The following FSTL4 variants were observed in gnomAD, a reference collection of about 807,000 sequenced individuals.
FSTL4 encodes the protein follistatin like 4.
A neutral mutation model predicts 78.2 loss-of-function variants in FSTL4; 28 were observed. The observed-to-expected ratio is 0.36, with a 90% CI of 0.27 to 0.49. The LOEUF (loss-of-function observed/expected upper bound fraction) is 0.49, where lower values mean the gene tolerates loss of function less well. Among genes scored for constraint, FSTL4 ranks in the 20% least tolerant of loss-of-function variants. FSTL4 has a pLI of 0.98. For synonymous variants in FSTL4, 422 were observed against 440.5 expected, an observed-to-expected ratio of 0.96 and a Z score of 0.53; for missense variants, 922 against 1,084.9, an observed-to-expected ratio of 0.85 and a Z score of 2.11.
At chr5:133,206,708 T>A (rs960606919) in intron 14 of FSTL4, among the ~76,000 whole-genome samples, 1 of 152,172 alleles carries the variant, frequency 6.6e-6, no homozygotes, top group Admixed American at 6.5e-5. Flanking sequence ...TAAAATTCCC[T>A]TTCTCATTCC....
In FSTL4 at chr5:133,199,428, C is replaced by T. The variant is rs201448921; in HGVS notation, c.2196G>A (p.Ser732=). The change falls in exon 16 of 16, where the codon TCG becomes TCA. Residue 732 remains serine, a synonymous_variant. Transcript: ENST00000265342. The surrounding 1 kb of genome is among the most constrained non-coding windows in gnomAD (Gnocchi z 4.4). ...IQTLYDLQIN[S]GISDLAFQRS... ...GCTGGAAGGCCAAGTCTGAGATGCC[C>T]GAGTTTATTTGCAGGTCATACAGGG... The T allele has an allele frequency of 4.5e-5, 72 of 1,614,164 alleles. No individual in the cohort carries two copies. The highest frequency in any genetic ancestry group is 4.5e-4 in the East Asian group (20 of 44,878).
the FSTL4 span, among the ~76,000 whole-genome samples, chr5:133,741,206 C>T: frequency 6.6e-6 from 1 of 152,150 alleles, no homozygotes; most frequent in Non-Finnish European, 1.5e-5. Flanking sequence ...ACCATATTCC[C>T]GGAAGCAGAA....
At chr5:133,269,579 T>C (rs1752723052) in intron 6 of FSTL4, among the ~76,000 whole-genome samples, 1 of 152,260 alleles carries the variant, frequency 6.6e-6, no homozygotes, top group Non-Finnish European at 1.5e-5. Context: ...TTGAAGGATA[T>C]GTTCTTAGGA....
Position 133,611,864 on chromosome 5 carries a change from A to T in FSTL4, c.-11+461T>A, listed in dbSNP as rs1030934378. On this transcript the variant is annotated intron_variant, in intron 1 of 15. Transcript: ENST00000265342. This position sits in a 1 kb window ranked among gnomAD's most constrained non-coding sequence, Gnocchi z 4.9. ...ATGCCTGCCCGGCGCCCCAACCCGG[A>T]GCCAAGGGCACCGGGCCCGGGCCGA... Among the ~76,000 whole-genome samples the T allele has an allele frequency of 1.3e-5, 2 of 152,020 alleles. No homozygotes were observed. Among genetic ancestry groups the T allele is most frequent in the Non-Finnish European group, 2.9e-5 (2 of 67,968 alleles).
intron 10 of FSTL4, among the ~76,000 whole-genome samples, chr5:133,224,732 G>A (rs113568062): frequency 1.2e-4 from 19 of 152,326 alleles, no homozygotes; most frequent in African/African-American, 4.1e-4. Flanking sequence ...TTAGCACACC[G>A]ATGGGCTGGA....
intron 6 of FSTL4, among the ~76,000 whole-genome samples, chr5:133,268,827 C>T (rs1752698008): frequency 6.6e-6 from 1 of 152,172 alleles, no homozygotes. Flanking sequence ...AAACTAAGAA[C>T]AACCTGAATA....
At position 133,201,982 on chromosome 5, in the gene FSTL4, C is replaced by T; in HGVS notation, c.1777G>A (p.Val593Met). The change falls in exon 15 of 16, where the codon GTG becomes ATG. Residue 593 changes from valine (V) to methionine (M), a missense_variant. Val to Met is a conservative substitution (Grantham distance 21). Transcript: ENST00000265342. ...GTTGGGGGAATGAAGAAATCATCCACTCCTGCAAAGGGTGTGCGGATGAGG... is the reference window on the plus strand; with the variant it reads ...GTTGGGGGAATGAAGAAATCATCCATTCCTGCAAAGGGTGTGCGGATGAGG... ...QHLIRTPFAG[V>M]DDFFIPPTNL... 5 of 1,612,286 alleles carry T rather than the reference C, an allele frequency of 3.1e-6. No individual in the cohort carries two copies. Among genetic ancestry groups the T allele is most frequent in the Non-Finnish European group, 2.5e-6 (3 of 1,178,864 alleles).
intron 6 of FSTL4, among the ~76,000 whole-genome samples, chr5:133,273,752 A>G (rs767440755): frequency 1.3e-4 from 20 of 152,274 alleles, no homozygotes; most frequent in Admixed American, 3.3e-4. Context: ...AGGGAAACCT[A>G]CGTTTGCAGG....
At chr5:133,252,548 T>C (rs1020653493) in intron 6 of FSTL4, among the ~76,000 whole-genome samples, 5 of 152,020 alleles carry the variant, frequency 3.3e-5, no homozygotes, top group African/African-American at 1.2e-4. Flanking sequence ...TATGATGGCC[T>C]GAGAACCACT....
chr5:133,328,164 G>A (rs182486898), intron 4 of FSTL4, among the ~76,000 whole-genome samples: 16 of 152,290 alleles, frequency 1.1e-4, no homozygotes, highest in East Asian at 7.7e-4. Context: ...CTGGTTCCCC[G>A]GCTGTGCTGC....
chr5:133,638,788 A>G, the FSTL4 span, among the ~76,000 whole-genome samples: 1 of 151,526 alleles, frequency 6.6e-6, no homozygotes, highest in African/African-American at 2.4e-5. Context: ...GTTTTTTCGT[A>G]TACATACACT....
chr5:133,349,295 C>CTCTCTGTGTG lies in FSTL4; in HGVS notation c.410-32644_410-32643insCACACAGAGA, dbSNP rs11269337. Among the ~76,000 whole-genome samples the CTCTCTGTGTG allele has an allele frequency of 3.2e-3, 454 of 139,758 alleles. 3 individuals are homozygous for CTCTCTGTGTG. The highest frequency in any genetic ancestry group is 0.011 in the African/African-American group (399 of 37,304). The allele number at this position is 139,758 out of a possible 152,430, so 91.7% of individuals were successfully genotyped here. A position where few individuals can be genotyped will look rare whatever the true frequency, so the allele number is the denominator to read the frequency against. Reference sequence around the variant, plus strand: ...GCTCCCCTGTTGAAAGCCTCTCTCTCTGTGTGTGTGTGTGTGTGTGTGTGT... The same window carrying CTCTCTGTGTG: ...GCTCCCCTGTTGAAAGCCTCTCTCTCTCTCTGTGTGTGTGTGTGTGTGTGTGTGTGTGTGT... On this transcript the variant is annotated intron_variant, in intron 4 of 15. Coordinates refer to ENST00000265342, the MANE Select transcript of FSTL4 (RefSeq NM_015082.2).
At chr5:133,371,524 G>A (rs1408478593) in intron 4 of FSTL4, among the ~76,000 whole-genome samples, 1 of 152,210 alleles carries the variant, frequency 6.6e-6, no homozygotes, top group South Asian at 2.1e-4. Context: ...GCCGCTGAGT[G>A]TCCCTACAGG....
At chr5:133,240,013 CGCAGTG>C (rs1375040346) in intron 7 of FSTL4, among the ~76,000 whole-genome samples, 15 of 152,342 alleles carry the variant, frequency 9.8e-5, no homozygotes, top group African/African-American at 3.6e-4. Flanking sequence ...TTCCTTTCCA[CGCAGTG>C]GAAGCTTTGT....
At chr5:133,264,273 T>A (rs1011508161) in intron 6 of FSTL4, among the ~76,000 whole-genome samples, 2 of 152,216 alleles carry the variant, frequency 1.3e-5, no homozygotes, top group Admixed American at 1.3e-4. Context: ...TTGCACACCC[T>A]TAAAATAAAT....
intron 4 of FSTL4, among the ~76,000 whole-genome samples, chr5:133,395,282 T>C (rs1289009926): frequency 6.6e-6 from 1 of 152,170 alleles, no homozygotes; most frequent in African/African-American, 2.4e-5. Flanking sequence ...GCTTCACTTC[T>C]GAGGCCTGCG....
intron 11 of FSTL4, among the ~76,000 whole-genome samples, chr5:133,221,908 T>TTTTTTTG (rs1751133753): frequency 8.8e-6 from 1 of 113,276 alleles, no homozygotes; most frequent in African/African-American, 4.4e-5. Flanking sequence ...TTTTTTTTTT[T>TTTTTTTG]TTTTTTTTTT....
At chr5:133,594,728 C>A (rs779731221) in intron 2 of FSTL4, among the ~76,000 whole-genome samples, 1 of 152,210 alleles carries the variant, frequency 6.6e-6, no homozygotes, top group East Asian at 1.9e-4. Context: ...AGAAATTTGA[C>A]ATCTTTTCTA....
chr5:133,465,988 T>C (rs370545096), intron 3 of FSTL4, among the ~76,000 whole-genome samples: 5 of 152,308 alleles, frequency 3.3e-5, no homozygotes, highest in Middle Eastern at 3.4e-3. Context: ...TTAGGATTTG[T>C]ACATTTTCCT....
Sources: gnomAD v4.1 joint callset for allele counts (sites outside exome capture counted in the v4.1 genomes callset) on GRCh38, gnomAD v4.1.1 for gene constraint, Gnocchi (gnomAD v3.1) non-coding constraint, MANE v1.5 for transcripts, NCBI Gene and HGNC (gene_info 2026-07-23, HGNC 2026-07-21) for gene names.